Variants in RUVBL1 observed in about 807,000 individuals in gnomAD.
RUVBL1 encodes ruvB-like 1.
A neutral mutation model predicts 52.4 loss-of-function variants in RUVBL1; 4 were observed. That is an observed-to-expected ratio of 0.08 (90% CI 0.04 to 0.17). The LOEUF (loss-of-function observed/expected upper bound fraction) is 0.17. Ranked by LOEUF, RUVBL1 falls within the 10% of genes least tolerant of loss-of-function variation. RUVBL1 has a pLI of 1.00. For missense variants in RUVBL1, 298 were observed against 572.8 expected, an observed-to-expected ratio of 0.52 and a Z score of 4.90; for synonymous variants, 217 against 214.4, an observed-to-expected ratio of 1.01 and a Z score of -0.10.
chr3:128,083,986 G>A (rs1942559582), intron 9 of RUVBL1: 3 of 152,370 alleles, frequency 2.0e-5, no homozygotes, highest in Admixed American at 1.3e-4. Context: ...GCTGAGGCAG[G>A]AGAATTGCTT....
At chr3:128,148,527 G>A (rs573316228) in intron 1 of RUVBL1, among the ~76,000 whole-genome samples, 20 of 152,230 alleles carry the variant, frequency 1.3e-4, no homozygotes, top group African/African-American at 4.8e-4. Flanking sequence ...GTGTATGTGA[G>A]CCTGCAGTTA....
chr3:128,144,315 G>T (rs1395110418), intron 1 of RUVBL1, among the ~76,000 whole-genome samples: 1 of 152,124 alleles, frequency 6.6e-6, no homozygotes, highest in Non-Finnish European at 1.5e-5. Context: ...ATTAATCCTG[G>T]ATTAATTGGC....
intron 9 of RUVBL1, chr3:128,068,168 T>C: frequency 2.6e-6 from 2 of 776,358 alleles, no homozygotes; most frequent in South Asian, 1.5e-5. Flanking sequence ...CTAAATCTTA[T>C]CCTTGGGTTA....
chr3:128,130,374 A>G (rs538912120), intron 1 of RUVBL1, among the ~76,000 whole-genome samples: 3 of 152,184 alleles, frequency 2.0e-5, no homozygotes, highest in African/African-American at 7.2e-5. Context: ...ACTGTAATCA[A>G]GTAAGGAGAC....
chr3:128,072,915 TG>T (rs141903927), intron 9 of RUVBL1, among the ~76,000 whole-genome samples: 1 of 149,816 alleles, frequency 6.7e-6, no homozygotes, highest in Non-Finnish European at 1.5e-5. Flanking sequence ...TGCACAGTGA[TG>T]GGGGGGTAAG....
intron 1 of RUVBL1, among the ~76,000 whole-genome samples, chr3:128,140,890 C>T (rs1445643075): frequency 6.6e-6 from 1 of 152,128 alleles, no homozygotes. Flanking sequence ...TATAAGTATA[C>T]TCTATGATGT....
rs759999490 is a variant in RUVBL1 at position 128,064,866 on chromosome 3, T to C, written c.*346A>G. On this transcript the variant is annotated 3_prime_UTR_variant, in exon 10 of 10. Transcript: ENST00000464873. ...TCGTTCCTTCATATATGTCTCCTCC[T>C]CTGCCAACAGGAATGGAATTTGAAG... The C allele has an allele frequency of 1.5e-5, 24 of 1,585,818 alleles. No individual in the cohort carries two copies. In the African/African-American group the frequency reaches 2.8e-4, roughly 19 times the overall value.
At chr3:128,147,554 G>C (rs1944123646) in intron 1 of RUVBL1, among the ~76,000 whole-genome samples, 1 of 152,156 alleles carries the variant, frequency 6.6e-6, no homozygotes, top group African/African-American at 2.4e-5. Context: ...CTGGATGACA[G>C]AGTGAGACCC....
At chr3:128,085,760 G>A (rs1344921580) in intron 9 of RUVBL1, among the ~76,000 whole-genome samples, 2 of 152,042 alleles carry the variant, frequency 1.3e-5, no homozygotes, top group Non-Finnish European at 2.9e-5. Context: ...GCCAGGAAAG[G>A]CCCAGGAGAG....
downstream of RUVBL1, among the ~76,000 whole-genome samples, chr3:128,079,852 C>T (rs998471595): frequency 6.6e-6 from 1 of 152,226 alleles, no homozygotes; most frequent in East Asian, 1.9e-4. Flanking sequence ...CATAGTTAGT[C>T]TGAACTAAAG....
At chr3:128,077,176 A>G (rs1244882987), downstream of RUVBL1, among the ~76,000 whole-genome samples, 3 of 151,984 alleles carry the variant, frequency 2.0e-5, no homozygotes, top group Non-Finnish European at 4.4e-5. Context: ...CGGCCTGGCC[A>G]TTAATCACCG....
At chr3:128,127,619 G>A (rs1196036140), upstream of RUVBL1, among the ~76,000 whole-genome samples, 1 of 152,172 alleles carries the variant, frequency 6.6e-6, no homozygotes, top group African/African-American at 2.4e-5. Context: ...GTGTGTGGCA[G>A]GATGCAACTA....
chr3:128,139,866 T>C (rs1418681145), intron 1 of RUVBL1, among the ~76,000 whole-genome samples: 1 of 152,136 alleles, frequency 6.6e-6, no homozygotes, highest in Non-Finnish European at 1.5e-5. Context: ...AGTACAATAA[T>C]GGTTACAAGA....
In RUVBL1 at chr3:128,069,743, G is replaced by A. The variant is rs562589014; in HGVS notation, c.940-4523C>T. On this transcript the variant is annotated intron_variant, in intron 9 of 9. Transcript: ENST00000464873. ...CTCTCATCATGGCGCGTGCTGCTGCGGCATATGGACTTTTAATAATGTTTT... is the reference window on the plus strand; with the variant it reads ...CTCTCATCATGGCGCGTGCTGCTGCAGCATATGGACTTTTAATAATGTTTT... 165 of 1,144,930 alleles carry A rather than the reference G, an allele frequency of 1.4e-4. No individual in the cohort carries two copies. In the African/African-American group the frequency reaches 1.9e-3, roughly 13 times the overall value. The allele number at this position is 1,144,930 out of a possible 1,614,324, so 70.9% of individuals were successfully genotyped here.
chr3:128,148,920 C>T (rs1269620252), intron 1 of RUVBL1, among the ~76,000 whole-genome samples: 2 of 152,088 alleles, frequency 1.3e-5, no homozygotes, highest in African/African-American at 4.8e-5. Flanking sequence ...CATGATCTCT[C>T]TTTTTCTATT....
chr3:128,081,426 C>A lies in RUVBL1; in HGVS notation c.1212-17G>T. On this transcript the variant is annotated splice_polypyrimidine_tract_variant and intron_variant, in intron 10 of 10. Coordinates refer to ENST00000322623, the MANE Select transcript of RUVBL1 (RefSeq NM_003707.3). This position sits in a 1 kb window ranked among gnomAD's most constrained non-coding sequence, Gnocchi z 4.8. ...ACTGAGTACCTAGAGTGGACAGGGG[C>A]CAGGGCTGGAGTGAAACTGGGGCCA... 6.2e-7 allele frequency: 1 copy of A among 1,605,026 alleles called. No homozygotes were observed. Among genetic ancestry groups the A allele is most frequent in the East Asian group, 2.2e-5 (1 of 44,694 alleles).
At chr3:128,108,699 TA>T (rs74269418) in intron 3 of RUVBL1, among the ~76,000 whole-genome samples, 4,410 of 142,992 alleles carry the variant, frequency 0.031, 191 homozygotes, top group African/African-American at 0.097. Context: ...TTGTCTCAAT[TA>T]AAAAAAAAAA....
In RUVBL1 at chr3:128,067,567, C is replaced by T. The variant is rs1942019485; in HGVS notation, c.940-2347G>A. Reference sequence around the variant, plus strand: ...TGTTCATGCTGGGCTCCTGTGCATTCTTCTCCAAAACGTGGATTGAGGTCT... The same window carrying T: ...TGTTCATGCTGGGCTCCTGTGCATTTTTCTCCAAAACGTGGATTGAGGTCT... On this transcript the variant is annotated intron_variant, in intron 9 of 9. Transcript: ENST00000464873. The surrounding 1 kb of genome is among the most constrained non-coding windows in gnomAD (Gnocchi z 4.1). The T allele has an allele frequency of 2.5e-6, 4 of 1,612,286 alleles. No individual in the cohort carries two copies. The highest frequency in any genetic ancestry group is 1.7e-4 in the Middle Eastern group (1 of 6,058).
intron 1 of RUVBL1, chr3:128,141,877 A>T (rs910549655): frequency 2.0e-5 from 3 of 152,182 alleles, no homozygotes; most frequent in African/African-American, 7.2e-5. Context: ...CTTCATGATT[A>T]TGTTTTTAAT....
Sources: gnomAD v4.1 joint callset for allele counts (sites outside exome capture counted in the v4.1 genomes callset) on GRCh38, gnomAD v4.1.1 for gene constraint, Gnocchi (gnomAD v3.1) non-coding constraint, MANE v1.5 for transcripts, NCBI Gene and HGNC (gene_info 2026-07-23, HGNC 2026-07-21) for gene names.